FHIT: variants seen among roughly 807,000 people sequenced by gnomAD.
FHIT encodes the protein fragile histidine triad diadenosine triphosphatase.
A neutral mutation model predicts 17.9 loss-of-function variants in FHIT; 19 were observed. That is an observed-to-expected ratio of 1.06 (90% CI 0.74 to 1.56). FHIT has a LOEUF of 1.56. Among genes scored for constraint, FHIT ranks in the 40% most tolerant of loss-of-function variants. FHIT has a pLI of 0.00. For missense variants in FHIT, 248 were observed against 189.2 expected (o/e 1.31, Z -1.82); for synonymous variants, 81 against 69.7 (o/e 1.16, Z -0.81).
At chr3:60,885,605 A>C (rs1553759127) in intron 3 of FHIT, among the ~76,000 whole-genome samples, 1 of 152,054 alleles carries the variant, frequency 6.6e-6, no homozygotes, top group Non-Finnish European at 1.5e-5. Context: ...GGTCTATGAA[A>C]CTCTTCAAAA....
chr3:60,322,328 C>T (rs899945811), intron 5 of FHIT, among the ~76,000 whole-genome samples: 4 of 152,150 alleles, frequency 2.6e-5, no homozygotes, highest in African/African-American at 9.7e-5. Context: ...GGTGGTTTTG[C>T]ATGTGTCATC....
chr3:60,648,266 T>C (rs1360740696), intron 4 of FHIT, among the ~76,000 whole-genome samples: 2 of 152,204 alleles, frequency 1.3e-5, no homozygotes, highest in African/African-American at 4.8e-5. Context: ...TTTTGTTATT[T>C]ATAATGCAAT....
chr3:61,069,094 A>G (rs2034712695), intron 2 of FHIT, among the ~76,000 whole-genome samples: 1 of 152,092 alleles, frequency 6.6e-6, no homozygotes, highest in East Asian at 1.9e-4. Context: ...TTTCTTTTTT[A>G]TTTTTTAATG....
intron 5 of FHIT, among the ~76,000 whole-genome samples, chr3:60,227,040 G>A (rs1372485085): frequency 1.3e-5 from 2 of 152,112 alleles, no homozygotes; most frequent in Non-Finnish European, 2.9e-5. Context: ...AGGGCTCAGA[G>A]GTATGCAGCA....
intron 4 of FHIT, among the ~76,000 whole-genome samples, chr3:60,813,147 T>C (rs1701626146): frequency 6.6e-6 from 1 of 151,520 alleles, no homozygotes; most frequent in Non-Finnish European, 1.5e-5. Context: ...GAGTGAGTTA[T>C]TATAAAAATG....
At chr3:60,561,458 A>T (rs1253275380) in intron 4 of FHIT, among the ~76,000 whole-genome samples, 1 of 151,360 alleles carries the variant, frequency 6.6e-6, no homozygotes, top group Non-Finnish European at 1.5e-5. Context: ...TGTTTGAGCC[A>T]TTTTTTTCCC....
chr3:60,959,710 G>A (rs1709321290), intron 3 of FHIT, among the ~76,000 whole-genome samples: 3 of 151,888 alleles, frequency 2.0e-5, no homozygotes, highest in South Asian at 4.1e-4. Flanking sequence ...GTGGGAGGCA[G>A]AAAGAAAGAG....
At chr3:60,038,172 C>G (rs1701298916) in intron 5 of FHIT, among the ~76,000 whole-genome samples, 1 of 152,152 alleles carries the variant, frequency 6.6e-6, no homozygotes, top group African/African-American at 2.4e-5. Flanking sequence ...AGTTTCCTAA[C>G]CACTGCCACA....
intron 5 of FHIT, among the ~76,000 whole-genome samples, chr3:60,054,467 T>G (rs1293405648): frequency 6.6e-6 from 1 of 152,210 alleles, no homozygotes; most frequent in East Asian, 1.9e-4. Flanking sequence ...ATTGCTCTGA[T>G]GTACCACTCC....
At chr3:61,144,721 A>G (rs2037178901) in intron 2 of FHIT, among the ~76,000 whole-genome samples, 2 of 152,220 alleles carry the variant, frequency 1.3e-5, no homozygotes, top group East Asian at 1.9e-4. Flanking sequence ...TGTCTTTTCT[A>G]TTTTAGCCAT....
chr3:60,070,575 C>A (rs1191473336), intron 5 of FHIT, among the ~76,000 whole-genome samples: 1 of 131,506 alleles, frequency 7.6e-6, no homozygotes, highest in African/African-American at 3.1e-5. Flanking sequence ...TTAGGGAAGA[C>A]AAACAAAGAT....
At chr3:59,935,100 TC>T (rs1706169142) in intron 7 of FHIT, among the ~76,000 whole-genome samples, 1 of 152,116 alleles carries the variant, frequency 6.6e-6, no homozygotes, top group Non-Finnish European at 1.5e-5. Flanking sequence ...GATAGAGTCT[TC>T]CTGTTCAGTT....
At chr3:59,917,999 A>G (rs185698703) in intron 8 of FHIT, among the ~76,000 whole-genome samples, 1 of 152,280 alleles carries the variant, frequency 6.6e-6, no homozygotes, top group African/African-American at 2.4e-5. Context: ...CCAGAGTACC[A>G]CAATTTGTAG....
intron 3 of FHIT, among the ~76,000 whole-genome samples, chr3:60,946,587 G>A (rs1251377120): frequency 1.3e-5 from 2 of 152,162 alleles, no homozygotes; most frequent in African/African-American, 2.4e-5. Context: ...TGAGAATGAT[G>A]AGTATAAAGA....
At chr3:60,662,706 C>T (rs1024781232) in intron 4 of FHIT, among the ~76,000 whole-genome samples, 11 of 151,950 alleles carry the variant, frequency 7.2e-5, no homozygotes, top group Non-Finnish European at 8.8e-5. Context: ...CATTTGTTTG[C>T]GTCATCTATG....
intron 7 of FHIT, among the ~76,000 whole-genome samples, chr3:60,006,652 T>C (rs1699935646): frequency 1.4e-5 from 2 of 147,120 alleles, no homozygotes; most frequent in African/African-American, 2.5e-5. Flanking sequence ...GGTTTCCGCA[T>C]TCAAAAAAAA....
At chr3:60,592,106 T>C (rs1553664524) in intron 4 of FHIT, among the ~76,000 whole-genome samples, 1 of 151,034 alleles carries the variant, frequency 6.6e-6, no homozygotes, top group Admixed American at 6.6e-5. Flanking sequence ...AATTAGAAGC[T>C]ATATGTATTC....
At chr3:60,594,149 T>G (rs761133293) in intron 4 of FHIT, among the ~76,000 whole-genome samples, 1 of 152,096 alleles carries the variant, frequency 6.6e-6, no homozygotes, top group Non-Finnish European at 1.5e-5. Flanking sequence ...TAGAAGTCAC[T>G]GAAGGAGGAT....
intron 4 of FHIT, among the ~76,000 whole-genome samples, chr3:60,543,805 C>T (rs996610381): frequency 4.5e-4 from 68 of 150,130 alleles, no homozygotes; most frequent in African/African-American, 1.6e-3. Context: ...AGTGCAGCGG[C>T]GCAATCTCGG....
Sources: allele counts gnomAD v4.1 joint callset (sites outside exome capture counted in the v4.1 genomes callset), GRCh38; gene constraint gnomAD v4.1.1; transcripts MANE v1.5; gene names NCBI Gene and HGNC (gene_info 2026-07-23, HGNC 2026-07-21).